UGT1A6: variants seen among roughly 807,000 people sequenced by gnomAD.
UGT1A6 encodes the protein UDP-glucuronosyltransferase 1A6.
Under a neutral mutation model 44.4 loss-of-function variants are expected in UGT1A6, and 32 were observed. That is an observed-to-expected ratio of 0.72 (90% CI 0.54 to 0.97). UGT1A6 has a LOEUF of 0.97. Ranked by LOEUF, UGT1A6 falls within the 50% of genes least tolerant of loss-of-function variation. The pLI, the probability that UGT1A6 is intolerant of heterozygous loss-of-function variation, is 0.00. For synonymous variants in UGT1A6, 238 were observed against 248.5 expected, an observed-to-expected ratio of 0.96 and a Z score of 0.40; for missense variants, 685 against 661.9, an observed-to-expected ratio of 1.03 and a Z score of -0.38.
intron 1 of UGT1A6, among the ~76,000 whole-genome samples, chr2:233,711,721 C>T (rs1314393643): frequency 6.6e-6 from 1 of 152,208 alleles, no homozygotes; most frequent in East Asian, 1.9e-4. Context: ...GCCTCAGCTT[C>T]ACCAGCAATG....
Position 233,763,798 on chromosome 2 carries a change from A to G in UGT1A6, c.862-3236A>G, listed in dbSNP as rs551390932. ...GAACAACATTGGGAGAAAAGGAATG[A>G]AACTCAAGAATTCCAAGATGTTCCT... On this transcript the variant is annotated intron_variant, in intron 1 of 4. Coordinates refer to ENST00000305139, the MANE Select transcript of UGT1A6 (RefSeq NM_001072.4). Among the ~76,000 whole-genome samples, 8 of 152,368 alleles carry G rather than the reference A, an allele frequency of 5.3e-5. No individual in the cohort carries two copies. The South Asian group carries it at 1.0e-3, about 20-fold the overall frequency.
intron 1 of UGT1A6, among the ~76,000 whole-genome samples, chr2:233,697,919 A>G (rs1671784522): frequency 6.6e-6 from 1 of 152,252 alleles, no homozygotes; most frequent in South Asian, 2.1e-4. Flanking sequence ...TTCTCCTAGA[A>G]GTCTAGGGTA....
intron 1 of UGT1A6, among the ~76,000 whole-genome samples, chr2:233,700,981 G>C (rs1279444700): frequency 6.7e-6 from 1 of 149,674 alleles, no homozygotes; most frequent in African/African-American, 2.5e-5. Flanking sequence ...TTGATTTTTT[G>C]TCCTTGCGAT....
chr2:233,698,867 T>C (rs2075466274), intron 1 of UGT1A6, among the ~76,000 whole-genome samples: 1 of 152,248 alleles, frequency 6.6e-6, no homozygotes. Context: ...GGTGTGACTT[T>C]GCGACTTTGA....
At chr2:233,734,081 A>G (rs1041213735) in intron 1 of UGT1A6, among the ~76,000 whole-genome samples, 23 of 152,124 alleles carry the variant, frequency 1.5e-4, no homozygotes, top group African/African-American at 5.6e-4. Context: ...CATTGTGCAC[A>G]TGCACCCTAA....
chr2:233,745,199 G>C (rs1446932556), intron 1 of UGT1A6, among the ~76,000 whole-genome samples: 2 of 151,776 alleles, frequency 1.3e-5, no homozygotes, highest in Non-Finnish European at 2.9e-5. Context: ...AAAACAACCA[G>C]GGAGATCCTC....
chr2:233,758,044 A>G (rs1696783059), intron 1 of UGT1A6, among the ~76,000 whole-genome samples: 1 of 152,170 alleles, frequency 6.6e-6, no homozygotes, highest in African/African-American at 2.4e-5. Context: ...CTTTCAGGCA[A>G]GGACCATTTC....
At chr2:233,705,061 G>T (rs10180090) in intron 1 of UGT1A6, among the ~76,000 whole-genome samples, 1 of 151,502 alleles carries the variant, frequency 6.6e-6, no homozygotes, top group South Asian at 2.1e-4. Context: ...GCTTGAACCC[G>T]GGAGGCGGAG....
In UGT1A6 at chr2:233,760,534, T is replaced by C. The variant is rs56059937; in HGVS notation, c.862-6500T>C. On this transcript the variant is annotated intron_variant, in intron 1 of 4. Coordinates refer to ENST00000305139, the MANE Select transcript of UGT1A6 (RefSeq NM_001072.4). ...CACCTTGAAGACGTACCCTGTGCCA[T>C]TCCAAAGGGAGGATGTGAAAGAGTC... is the stretch of plus-strand genomic sequence containing the variant. 3.7e-6 allele frequency: 6 copies of C among 1,614,240 alleles called. No individual in the cohort carries two copies. Among genetic ancestry groups the C allele is most frequent in the South Asian group, 3.3e-5 (3 of 91,088 alleles).
chr2:233,718,011 C>T (rs889602207), intron 1 of UGT1A6: 3 of 401,954 alleles, frequency 7.5e-6, no homozygotes, highest in African/African-American at 6.2e-5. Flanking sequence ...TGAGGCCAGG[C>T]TCCAGCTCCC....
At chr2:233,745,976 A>AC in intron 1 of UGT1A6, among the ~76,000 whole-genome samples, 1 of 151,654 alleles carries the variant, frequency 6.6e-6, no homozygotes, top group Middle Eastern at 3.2e-3. Flanking sequence ...CTGAAATGGG[A>AC]CCATGACAGC....
intron 1 of UGT1A6, chr2:233,748,062 A>G (rs531373066): frequency 3.5e-4 from 569 of 1,613,430 alleles, no homozygotes; most frequent in Admixed American, 9.3e-4. Context: ...CTGTGCCAAC[A>G]GGAAGCCACT....
intron 4 of UGT1A6, chr2:233,771,323 A>G (rs112105474): frequency 2.6e-5 from 4 of 151,390 alleles, no homozygotes; most frequent in Admixed American, 6.6e-5. Flanking sequence ...CTCCTCTTCA[A>G]TCTCCTCTTC....
intron 1 of UGT1A6, among the ~76,000 whole-genome samples, chr2:233,732,197 G>T (rs1458776605): frequency 6.6e-6 from 1 of 152,132 alleles, no homozygotes; most frequent in Non-Finnish European, 1.5e-5. Flanking sequence ...TTAGCCCTTT[G>T]TCAGATGGGT....
In UGT1A6 at chr2:233,769,413, T is replaced by A; in HGVS notation, c.1301+974T>A. 1 of 1,369,868 alleles carries A rather than the reference T, an allele frequency of 7.3e-7. No homozygotes were observed. Among genetic ancestry groups the A allele is most frequent in the Non-Finnish European group, 1.0e-6 (1 of 976,294 alleles). 84.9% of individuals were successfully genotyped at this position (1,369,868 alleles called of 1,614,324 possible). Reference sequence around the variant, plus strand: ...ACTGTGTGCATATGTGCGTGTGCGTTTGTGCATGTGGCTGTGCTCATGTGT... The same window carrying A: ...ACTGTGTGCATATGTGCGTGTGCGTATGTGCATGTGGCTGTGCTCATGTGT... On this transcript the variant is annotated intron_variant, in intron 4 of 4. Coordinates refer to ENST00000305139, the MANE Select transcript of UGT1A6 (RefSeq NM_001072.4). The surrounding 1 kb of genome is among the most constrained non-coding windows in gnomAD (Gnocchi z 4.4).
At chr2:233,719,463 C>T (rs778257140) in intron 1 of UGT1A6, 5 of 1,613,980 alleles carry the variant, frequency 3.1e-6, no homozygotes, top group South Asian at 1.1e-5. Context: ...CAAGAACATG[C>T]TCTACCCTCT....
rs559276677 is a variant in UGT1A6 at position 233,725,023 on chromosome 2, C to T, written c.861+31158C>T. Among the ~76,000 whole-genome samples the T allele has an allele frequency of 1.0e-4, 15 of 148,462 alleles. 1 individual carries two copies. The highest frequency in any genetic ancestry group is 6.9e-4 in the South Asian group (3 of 4,350). On this transcript the variant is annotated intron_variant, in intron 1 of 4. Coordinates refer to ENST00000305139, the MANE Select transcript of UGT1A6 (RefSeq NM_001072.4). ...ACCGGCCCGGCCAAACAGCAAAACCCGGTCTCCACCAAAACCAGTCAGGCG... is the reference window on the plus strand; with the variant it reads ...ACCGGCCCGGCCAAACAGCAAAACCTGGTCTCCACCAAAACCAGTCAGGCG...
intron 1 of UGT1A6, among the ~76,000 whole-genome samples, chr2:233,749,248 A>AT (rs1216234192): frequency 2.0e-5 from 3 of 151,926 alleles, no homozygotes; most frequent in East Asian, 1.9e-4. Flanking sequence ...AAACCACATG[A>AT]TTTTTTTATT....
intron 1 of UGT1A6, chr2:233,747,824 CAT>C: frequency 6.2e-7 from 1 of 1,613,548 alleles, no homozygotes; most frequent in Non-Finnish European, 8.5e-7. Context: ...ATTCAGACCA[CAT>C]GACATTCCTG....
Sources: allele counts gnomAD v4.1 joint callset (sites outside exome capture counted in the v4.1 genomes callset), GRCh38; gene constraint gnomAD v4.1.1; non-coding constraint Gnocchi (gnomAD v3.1); transcripts MANE v1.5; gene names NCBI Gene and HGNC (gene_info 2026-07-23, HGNC 2026-07-21).